Variants in XKR9 observed in about 807,000 individuals in gnomAD.
The protein encoded by XKR9 is XK-related protein 9.
Under a neutral mutation model 32.0 loss-of-function variants are expected in XKR9, and 32 were observed. The ratio of observed to expected loss-of-function variants is 1.00; its 90% CI spans 0.76 to 1.34. XKR9 has a LOEUF of 1.34. Among genes scored for constraint, XKR9 ranks in the 40% most tolerant of loss-of-function variants. The pLI is 0.00. For synonymous variants in XKR9, 168 were observed against 143.4 expected (o/e 1.17, Z -1.22); for missense variants, 546 against 429.7 (o/e 1.27, Z -2.39).
At chr8:70,890,633 T>C in the XKR9 span, among the ~76,000 whole-genome samples, 1 of 152,050 alleles carries the variant, frequency 6.6e-6, no homozygotes, top group African/African-American at 2.4e-5. Context: ...TGAACCAGCC[T>C]TGTGTTCCTG....
At chr8:70,773,860 A>T (rs1023829280) in intron 2 of XKR9, among the ~76,000 whole-genome samples, 1 of 152,176 alleles carries the variant, frequency 6.6e-6, no homozygotes, top group Non-Finnish European at 1.5e-5. Flanking sequence ...TAGGTTTAGT[A>T]AGGAGGCATG....
At chr8:70,728,883 G>A (rs562872524) in intron 4 of XKR9, among the ~76,000 whole-genome samples, 4 of 152,206 alleles carry the variant, frequency 2.6e-5, no homozygotes, top group East Asian at 1.9e-4. Context: ...TTTTAAAGCC[G>A]AGCACAGCCG....
rs1364354766 is a variant in XKR9, at chr8:70,734,727, T to C, written c.*303T>C. The C allele has an allele frequency of 2.4e-5, 5 of 212,342 alleles. No homozygotes were observed. Among genetic ancestry groups the C allele is most frequent in the Non-Finnish European group, 3.7e-5 (4 of 109,138 alleles). The allele number at this position is 212,342 out of a possible 1,614,324, so 13.2% of individuals were successfully genotyped here. Reference sequence around the variant, plus strand: ...GAATTGAGCTTCCCTCCCATTTTCCTTGTTCCTGAACTAATACTACTGTAC... The same window carrying C: ...GAATTGAGCTTCCCTCCCATTTTCCCTGTTCCTGAACTAATACTACTGTAC... On this transcript the variant is annotated 3_prime_UTR_variant, in exon 5 of 5. Coordinates refer to ENST00000408926, the MANE Select transcript of XKR9 (RefSeq NM_001011720.2).
At chr8:70,776,646 A>T (rs1807524188) in intron 2 of XKR9, among the ~76,000 whole-genome samples, 1 of 152,020 alleles carries the variant, frequency 6.6e-6, no homozygotes, top group African/African-American at 2.4e-5. Flanking sequence ...GGGAAAAGCC[A>T]GGTTCTCCTT....
the XKR9 span, among the ~76,000 whole-genome samples, chr8:70,881,503 C>T: frequency 9.9e-5 from 15 of 152,256 alleles, no homozygotes; most frequent in East Asian, 1.7e-3. Flanking sequence ...AGCCAACAGA[C>T]ATATGAAAAA....
chr8:70,960,614 A>T, the XKR9 span, among the ~76,000 whole-genome samples: 1 of 152,122 alleles, frequency 6.6e-6, no homozygotes, highest in East Asian at 1.9e-4. Flanking sequence ...GCAGTGGCTC[A>T]CACCTGTAAT....
intron 3 of XKR9, among the ~76,000 whole-genome samples, chr8:70,705,931 T>A (rs1196470743): frequency 6.6e-6 from 1 of 152,080 alleles, no homozygotes; most frequent in East Asian, 1.9e-4. Flanking sequence ...TGGATATATT[T>A]GAAGTTAGAA....
chr8:70,991,328 A>C, the XKR9 span, among the ~76,000 whole-genome samples: 1 of 152,198 alleles, frequency 6.6e-6, no homozygotes, highest in East Asian at 1.9e-4. Flanking sequence ...GCTTGAATCC[A>C]TCGATTTGTA....
At chr8:70,675,738 A>C (rs1818862493) in intron 2 of XKR9, among the ~76,000 whole-genome samples, 1 of 152,180 alleles carries the variant, frequency 6.6e-6, no homozygotes, top group South Asian at 2.1e-4. Context: ...TCTTTGCTCC[A>C]CTTCTGAATA....
the XKR9 span, among the ~76,000 whole-genome samples, chr8:70,814,107 G>T: frequency 6.6e-6 from 1 of 152,154 alleles, no homozygotes; most frequent in East Asian, 1.9e-4. Flanking sequence ...GGAATACTAT[G>T]CAGCCATAAA....
chr8:70,890,611 A>T, the XKR9 span, among the ~76,000 whole-genome samples: 47 of 152,072 alleles, frequency 3.1e-4, no homozygotes, highest in African/African-American at 1.1e-3. Context: ...ATGTTTATTG[A>T]TTTGCATATA....
In XKR9 at chr8:70,734,504, G is replaced by T; in HGVS notation, c.*80G>T. ...AAAATGTGTGTTATGTGGGTGTGTT[G>T]TCTCTTATTTTTGCCACCTTTAATT... On this transcript the variant is annotated 3_prime_UTR_variant, in exon 5 of 5. Coordinates refer to ENST00000408926, the MANE Select transcript of XKR9 (RefSeq NM_001011720.2). 1 of 1,386,540 alleles carries T rather than the reference G, an allele frequency of 7.2e-7. No homozygotes were observed. The highest frequency in any genetic ancestry group is 9.3e-7 in the Non-Finnish European group (1 of 1,076,394). 85.9% of individuals were successfully genotyped at this position (1,386,540 alleles called of 1,614,324 possible).
the XKR9 span, among the ~76,000 whole-genome samples, chr8:70,932,989 T>C: frequency 1.3e-5 from 2 of 152,148 alleles, no homozygotes; most frequent in African/African-American, 4.8e-5. Context: ...GTTATTTTTA[T>C]ACTCTTTGTC....
chr8:70,865,409 T>A, the XKR9 span, among the ~76,000 whole-genome samples: 2 of 152,076 alleles, frequency 1.3e-5, no homozygotes, highest in African/African-American at 4.8e-5. Flanking sequence ...AATAATTATG[T>A]CAATAATGTA....
chr8:70,744,956 G>A (rs1372725964), intron 2 of XKR9, among the ~76,000 whole-genome samples: 1 of 150,076 alleles, frequency 6.7e-6, no homozygotes, highest in Non-Finnish European at 1.5e-5. Flanking sequence ...TAGCCTAAAT[G>A]TTTTTCAGCT....
chr8:70,978,224 G>GCCCATTTA, the XKR9 span, among the ~76,000 whole-genome samples: 3,555 of 152,202 alleles, frequency 0.023, 53 homozygotes, highest in Middle Eastern at 0.044. Flanking sequence ...GGAGCATTTA[G>GCCCATTTA]CCCATTTACA....
At chr8:70,808,074 A>G in the XKR9 span, among the ~76,000 whole-genome samples, 1 of 152,232 alleles carries the variant, frequency 6.6e-6, no homozygotes, top group Non-Finnish European at 1.5e-5. Flanking sequence ...AGTCTCTTAA[A>G]CCACAGCGCA....
chr8:70,681,257 T>A lies in XKR9; in HGVS notation c.199T>A (p.Leu67Ile). 6.2e-7 allele frequency: 1 copy of A among 1,613,508 alleles called. No homozygotes were observed. Among genetic ancestry groups the A allele is most frequent in the Middle Eastern group, 1.7e-4 (1 of 6,056 alleles). Residue 67 changes from leucine (L) to isoleucine (I), a missense_variant, in exon 3 of 5, where the codon TTA becomes ATA. Coordinates refer to ENST00000408926, the MANE Select transcript of XKR9 (RefSeq NM_001011720.2). ...CFSYSWFKAD[L>I]KKAGQESQHC... Reference sequence around the variant, plus strand: ...TAGTTATTCTTGGTTCAAGGCTGATTTAAAGAAAGCAGGCCAAGAAAGTCA... The same window carrying A: ...TAGTTATTCTTGGTTCAAGGCTGATATAAAGAAAGCAGGCCAAGAAAGTCA...
chr8:70,797,077 C>T, the XKR9 span, among the ~76,000 whole-genome samples: 2 of 152,150 alleles, frequency 1.3e-5, no homozygotes, highest in Non-Finnish European at 2.9e-5. Flanking sequence ...TTTAGGAGAC[C>T]TCTGTCAAAA....
Sources: gnomAD v4.1 joint callset for allele counts (sites outside exome capture counted in the v4.1 genomes callset) on GRCh38, gnomAD v4.1.1 for gene constraint, MANE v1.5 for transcripts, NCBI Gene and HGNC (gene_info 2026-07-23, HGNC 2026-07-21) for gene names.